The following TTC27 variants were observed in gnomAD, a reference collection of about 807,000 sequenced individuals.
The protein encoded by TTC27 is tetratricopeptide repeat protein 27.
In TTC27, 79 loss-of-function variants were observed where a neutral mutation model predicts 115.9. The observed-to-expected ratio is 0.68, with a 90% CI of 0.57 to 0.82. The LOEUF (loss-of-function observed/expected upper bound fraction) is 0.82. Ranked by LOEUF, TTC27 falls within the 40% of genes least tolerant of loss-of-function variation. The pLI, the probability that TTC27 is intolerant of heterozygous loss-of-function variation, is 0.00. For synonymous variants in TTC27, 401 were observed against 356.0 expected (o/e 1.13, Z -1.42); for missense variants, 1,054 against 993.1 (o/e 1.06, Z -0.82).
At chr2:32,644,955 G>A (rs1664798647) in intron 4 of TTC27, among the ~76,000 whole-genome samples, 1 of 136,894 alleles carries the variant, frequency 7.3e-6, no homozygotes, top group Non-Finnish European at 1.5e-5. Flanking sequence ...TGATCCTCCT[G>A]CTCCAGCCTC....
intron 3 of TTC27, among the ~76,000 whole-genome samples, chr2:32,634,813 C>T (rs1664351632): frequency 1.3e-5 from 2 of 151,646 alleles, no homozygotes; most frequent in Non-Finnish European, 2.9e-5. Context: ...TGTGCTACCA[C>T]ACTTGGCTAA....
chr2:32,793,364 A>G (rs758788877), intron 16 of TTC27, among the ~76,000 whole-genome samples: 1 of 152,216 alleles, frequency 6.6e-6, no homozygotes, highest in Non-Finnish European at 1.5e-5. Context: ...AAGGAAGTTC[A>G]TTACCACTAG....
chr2:32,702,918 C>T lies in TTC27; in HGVS notation c.1231C>T (p.Gln411Ter), dbSNP rs761265877. The T allele has an allele frequency of 1.2e-5, 19 of 1,611,790 alleles. No individual in the cohort carries two copies. Among genetic ancestry groups the T allele is most frequent in the Admixed American group, 1.7e-5 (1 of 59,984 alleles). ...AGTGGAACGGGCAATGAGGCAGACA[C>T]AGGTAAGAATTAATGTGGCAATTTG... Reference protein sequence around the residue: ...RRVERAMRQTQALADQFEDKT... With the variant: ...RRVERAMRQT The change falls in exon 10 of 20, where the codon CAG becomes TAG. Residue 411 changes from glutamine (Q) to a stop codon, truncating the protein, a stop_gained and splice_region_variant. Coordinates refer to ENST00000317907, the MANE Select transcript of TTC27 (RefSeq NM_017735.5). LOFTEE classifies it high-confidence loss of function.
intron 2 of TTC27, among the ~76,000 whole-genome samples, chr2:32,632,911 A>C (rs932292441): frequency 1.1e-4 from 17 of 152,216 alleles, no homozygotes; most frequent in African/African-American, 3.6e-4. Flanking sequence ...AGGGTTGGAA[A>C]AAAACAAACA....
intron 2 of TTC27, among the ~76,000 whole-genome samples, chr2:32,632,162 CT>C (rs372312922): frequency 4.9e-3 from 621 of 126,070 alleles, no homozygotes; most frequent in African/African-American, 8.6e-3. Flanking sequence ...TGGTATCATT[CT>C]TTTTTTTTTT....
At chr2:32,649,618 C>G (rs1050225215) in intron 4 of TTC27, among the ~76,000 whole-genome samples, 7 of 151,034 alleles carry the variant, frequency 4.6e-5, no homozygotes, top group African/African-American at 1.7e-4. Flanking sequence ...ATCCTCGGCT[C>G]ACTGCAACCT....
rs1158508588 is a variant in TTC27 at position 32,708,304 on chromosome 2, GTTTTT to G, written c.1233+5402_1233+5406del. ...AATAGCGTTTTCTTTTCTCTACCTTGTTTTTTTTTTTTTTTTTTTTTTAATGAGAT... is the reference window on the plus strand; with the variant it reads ...AATAGCGTTTTCTTTTCTCTACCTTGTTTTTTTTTTTTTTTTTAATGAGAT... On this transcript the variant is annotated intron_variant, in intron 10 of 19. Coordinates refer to ENST00000317907, the MANE Select transcript of TTC27 (RefSeq NM_017735.5). 2.3e-3 allele frequency among the ~76,000 whole-genome samples: 142 copies of G among 61,358 alleles called. 3 individuals are homozygous for G. Among genetic ancestry groups the G allele is most frequent in the African/African-American group, 8.7e-3 (134 of 15,360 alleles). The allele number at this position is 61,358 out of a possible 152,430, so 40.3% of individuals were successfully genotyped here. A position where few individuals can be genotyped will look rare whatever the true frequency, so the allele number is the denominator to read the frequency against.
intron 16 of TTC27, among the ~76,000 whole-genome samples, chr2:32,792,362 C>A (rs972750830): frequency 4.6e-5 from 7 of 152,206 alleles, no homozygotes; most frequent in African/African-American, 1.7e-4. Flanking sequence ...TGTTGAGGTA[C>A]CTGAGGCTCA....
chr2:32,656,131 C>A (rs1665306750), intron 5 of TTC27, among the ~76,000 whole-genome samples: 1 of 151,978 alleles, frequency 6.6e-6, no homozygotes, highest in East Asian at 1.9e-4. Flanking sequence ...TAATTAGTCC[C>A]AGTTTTATCT....
chr2:32,692,418 G>T (rs1348635382), intron 9 of TTC27, among the ~76,000 whole-genome samples: 1 of 152,094 alleles, frequency 6.6e-6, no homozygotes, highest in Non-Finnish European at 1.5e-5. Context: ...GGGGCTGGGG[G>T]AAGGGGGATT....
intron 17 of TTC27, among the ~76,000 whole-genome samples, chr2:32,811,680 T>C (rs1459695603): frequency 1.3e-5 from 2 of 152,206 alleles, no homozygotes; most frequent in African/African-American, 4.8e-5. Flanking sequence ...CAAAACATAA[T>C]ACTTTTACAA....
intron 3 of TTC27, among the ~76,000 whole-genome samples, chr2:32,639,433 T>C (rs1664553514): frequency 6.6e-6 from 1 of 152,162 alleles, no homozygotes; most frequent in Non-Finnish European, 1.5e-5. Context: ...CTCTGGTGTG[T>C]GGTCATATGC....
chr2:32,663,127 T>C (rs564536509), intron 5 of TTC27, among the ~76,000 whole-genome samples: 1 of 152,150 alleles, frequency 6.6e-6, no homozygotes, highest in Non-Finnish European at 1.5e-5. Context: ...GGGGGTGGGA[T>C]CAGCTGAGCT....
intron 14 of TTC27, among the ~76,000 whole-genome samples, chr2:32,778,945 C>T (rs551195134): frequency 3.0e-4 from 45 of 152,222 alleles, no homozygotes; most frequent in African/African-American, 6.3e-4. Context: ...CATTTTAGGC[C>T]GGGTGTGGTG....
intron 9 of TTC27, among the ~76,000 whole-genome samples, chr2:32,681,541 A>G (rs1027830231): frequency 1.3e-5 from 2 of 152,158 alleles, no homozygotes; most frequent in African/African-American, 2.4e-5. Context: ...TTGAATTTGC[A>G]ATGGTGTGCA....
In TTC27 at chr2:32,628,784, C is replaced by T. The variant is rs943221901; in HGVS notation, c.88+404C>T. The stretch of plus-strand genomic sequence containing the variant: ...TTATTTATTTATTTATTTATTGAGA[C>T]GGAGTTTTGCTTTTTGCCCAGGCTG... On this transcript the variant is annotated intron_variant, in intron 1 of 19. Coordinates refer to ENST00000317907, the MANE Select transcript of TTC27 (RefSeq NM_017735.5). 2.7e-5 allele frequency among the ~76,000 whole-genome samples: 4 copies of T among 147,732 alleles called. No individual in the cohort carries two copies. In the East Asian group the frequency reaches 7.8e-4, roughly 29 times the overall value.
intron 9 of TTC27, among the ~76,000 whole-genome samples, chr2:32,699,014 CT>C (rs1449058315): frequency 6.6e-6 from 1 of 152,192 alleles, no homozygotes; most frequent in African/African-American, 2.4e-5. Context: ...GCACCAGTCA[CT>C]GTTAGTTTTC....
chr2:32,644,060 A>G (rs1208960555), intron 4 of TTC27, among the ~76,000 whole-genome samples: 3 of 151,686 alleles, frequency 2.0e-5, no homozygotes, highest in Admixed American at 2.0e-4. Context: ...GGGTGCCTGT[A>G]ATCTCAGCTA....
intron 16 of TTC27, among the ~76,000 whole-genome samples, chr2:32,805,433 CT>C (rs1352144754): frequency 6.6e-6 from 1 of 152,152 alleles, no homozygotes; most frequent in African/African-American, 2.4e-5. Flanking sequence ...TTTGTTTTAC[CT>C]CTTTAAGCCT....
Sources: allele counts gnomAD v4.1 joint callset (sites outside exome capture counted in the v4.1 genomes callset), GRCh38; gene constraint gnomAD v4.1.1; transcripts MANE v1.5; gene names NCBI Gene and HGNC (gene_info 2026-07-23, HGNC 2026-07-21).